The following CNTNAP1 variants were observed in gnomAD, a reference collection of about 807,000 sequenced individuals.
CNTNAP1 encodes the protein contactin associated protein 1.
CNTNAP1 carries 80 observed loss-of-function variants against 161.5 expected under a neutral mutation model. That is an observed-to-expected ratio of 0.50 (90% CI 0.41 to 0.60). CNTNAP1 has a LOEUF of 0.60. Ranked by LOEUF, CNTNAP1 falls within the 20% of genes least tolerant of loss-of-function variation. The pLI is 0.00. For missense variants in CNTNAP1, 1,464 were observed against 1,854.8 expected, an observed-to-expected ratio of 0.79 and a Z score of 3.87; for synonymous variants, 695 against 733.1, an observed-to-expected ratio of 0.95 and a Z score of 0.84.
intron 8 of CNTNAP1, 91 bp downstream of exon 8, chr17:42,688,072 T>C: frequency 6.6e-7 from 1 of 1,513,902 alleles, no homozygotes; most frequent in South Asian, 1.3e-5. Flanking sequence ...CTTTACATTC[T>C]GGAGAGGGGA....
chr17:42,685,848 T>G lies in CNTNAP1; in HGVS notation c.716-109T>G. On this transcript the variant is annotated intron_variant, in intron 5 of 23. Transcript: ENST00000264638. This position sits in a 1 kb window ranked among gnomAD's most constrained non-coding sequence, Gnocchi z 5.0. ...AATGGCTGTTGATCTATTCGCCCAC[T>G]CTCCCTGATTGCCCTGGGCTTTGTT... is the stretch of plus-strand genomic sequence containing the variant. 1.7e-6 allele frequency: 2 copies of G among 1,173,260 alleles called. No individual in the cohort carries two copies. The highest frequency in any genetic ancestry group is 2.4e-6 in the Non-Finnish European group (2 of 826,478). 72.7% of individuals were successfully genotyped at this position (1,173,260 alleles called of 1,614,324 possible).
rs141352323 is a variant in CNTNAP1, at chr17:42,691,507, C to T, written c.2340C>T (p.Gly780=). Residue 780 remains glycine (G), a synonymous_variant, in exon 15 of 24, where the codon GGC becomes GGT. Coordinates refer to ENST00000264638, the MANE Select transcript of CNTNAP1 (RefSeq NM_003632.3). This position sits in a 1 kb window ranked among gnomAD's most constrained non-coding sequence, Gnocchi z 4.3. ...QFFLRPLRCY[G]DRNSWNTISF... ...TCCTGAGGCCTCTGCGCTGCTATGG[C>T]GATCGTGAGTGGCAGTCCCCTTTTG... 89 of 1,613,786 alleles carry T rather than the reference C, an allele frequency of 5.5e-5. No homozygotes were observed. The highest frequency in any genetic ancestry group is 6.9e-5 in the Non-Finnish European group (82 of 1,179,944).
Position 42,688,861 on chromosome 17 carries a change from G to T in CNTNAP1, c.1457-15G>T. On this transcript the variant is annotated splice_polypyrimidine_tract_variant and intron_variant, in intron 9 of 23. Transcript: ENST00000264638. ...GTCTCCCCTGGGGAGGATCTCACAG[G>T]GGTGGTTGCTCCAGGTTGTCCCAAG... The T allele has an allele frequency of 6.2e-7, 1 of 1,613,708 alleles. No homozygotes were observed. The highest frequency in any genetic ancestry group is 1.1e-5 in the South Asian group (1 of 91,050).
chr17:42,687,622 G>A lies in CNTNAP1; in HGVS notation c.1045-98G>A. The A allele has an allele frequency of 6.9e-7, 1 of 1,457,792 alleles. No homozygotes were observed. The highest frequency in any genetic ancestry group is 9.4e-7 in the Non-Finnish European group (1 of 1,068,638). The allele number at this position is 1,457,792 out of a possible 1,614,324, so 90.3% of individuals were successfully genotyped here. ...TCTCACCCCCGCCAACACCGAAGGA[G>A]GGCGGTGACCAGGGTCTTAGACCGG... On this transcript the variant is annotated intron_variant, in intron 7 of 23. Coordinates refer to ENST00000264638, the MANE Select transcript of CNTNAP1 (RefSeq NM_003632.3). The surrounding 1 kb of genome is among the most constrained non-coding windows in gnomAD (Gnocchi z 4.7).
chr17:42,688,071 C>A, intron 8 of CNTNAP1, 90 bp downstream of exon 8: 1 of 1,514,896 alleles, frequency 6.6e-7, no homozygotes, highest in Non-Finnish European at 8.8e-7. Flanking sequence ...CCTTTACATT[C>A]TGGAGAGGGG....
chr17:42,684,892 T>C, intron 3 of CNTNAP1, 99 bp from the exon 4 acceptor site: 2 of 1,417,658 alleles, frequency 1.4e-6, no homozygotes, highest in Non-Finnish European at 1.9e-6. Flanking sequence ...ACCACCGCAC[T>C]CCAGCCTGGG....
Position 42,687,518 on chromosome 17 carries a change from T to G in CNTNAP1, c.1045-202T>G. On this transcript the variant is annotated intron_variant, in intron 7 of 23. Coordinates refer to ENST00000264638, the MANE Select transcript of CNTNAP1 (RefSeq NM_003632.3). This position sits in a 1 kb window ranked among gnomAD's most constrained non-coding sequence, Gnocchi z 4.7. ...GATCAGCGAGAGCAAGCGAGCAGAG[T>G]TCCGAGGGCCGACTGGGTTGGGGCC... The G allele has an allele frequency of 1.3e-5, 8 of 615,954 alleles. No individual in the cohort carries two copies. The highest frequency in any genetic ancestry group is 3.1e-5 in the Admixed American group (1 of 32,272). The allele number at this position is 615,954 out of a possible 1,614,324, so 38.2% of individuals were successfully genotyped here.
chr17:42,695,992 T>A lies in CNTNAP1; in HGVS notation c.3347-33T>A, dbSNP rs200633974. On this transcript the variant is annotated intron_variant, in intron 19 of 23. Transcript: ENST00000264638. ...GTTAGAAGATAGGAGTCATGGGGCCTGAGACCCCAAATTTCTTCTCCCCAC... is the reference window on the plus strand; with the variant it reads ...GTTAGAAGATAGGAGTCATGGGGCCAGAGACCCCAAATTTCTTCTCCCCAC... 40 of 1,610,726 alleles carry A rather than the reference T, an allele frequency of 2.5e-5. No homozygotes were observed. The East Asian group carries it at 8.9e-4, about 36-fold the overall frequency.
rs767875480 is a variant in CNTNAP1 at position 42,686,050 on chromosome 17, G to A, written c.809G>A (p.Arg270Gln). The change falls in exon 6 of 24, where the codon CGA becomes CAA. Residue 270 changes from arginine (R) to glutamine (Q), a missense_variant. Coordinates refer to ENST00000264638, the MANE Select transcript of CNTNAP1 (RefSeq NM_003632.3). ...DQHWHYVRVD[R>Q]FGRDVNFTLD... The stretch of plus-strand genomic sequence containing the variant: ...CACTGGCACTATGTGCGGGTGGACC[G>A]ATTTGGCCGCGATGTAAATTTCACC... The A allele has an allele frequency of 6.2e-7, 1 of 1,614,176 alleles. No individual in the cohort carries two copies. Among genetic ancestry groups the A allele is most frequent in the Non-Finnish European group, 8.5e-7 (1 of 1,180,038 alleles).
chr17:42,695,801 C>G lies in CNTNAP1; in HGVS notation c.3273C>G (p.Ser1091Arg), dbSNP rs148038198. 3.7e-6 allele frequency: 6 copies of G among 1,614,106 alleles called. No homozygotes were observed. The highest frequency in any genetic ancestry group is 5.1e-6 in the Non-Finnish European group (6 of 1,180,048). ...AGGTCTCCTTCAGCTTCAGCACCAG[C>G]TCCGCCCCTGCTGTCCTGCTCTACG... ...GEEVSFSFST[S>R]SAPAVLLYVS... The change falls in exon 19 of 24, where the codon AGC becomes AGG. Residue 1091 changes from serine to arginine, a missense_variant. Transcript: ENST00000264638.
At chr17:42,697,246 G>GC in intron 20 of CNTNAP1, 28 bp from the exon 21 acceptor site, 1 of 1,526,162 alleles carries the variant, frequency 6.6e-7, no homozygotes. Context: ...CTCCCTCATC[G>GC]CCCTCCCCCT....
In CNTNAP1 at chr17:42,697,558, A is replaced by G. The variant is rs773634370; in HGVS notation, c.3573A>G (p.Thr1191=). 6.2e-6 allele frequency: 10 copies of G among 1,614,048 alleles called. No individual in the cohort carries two copies. The Admixed American group carries it at 1.5e-4, about 24-fold the overall frequency. ...CTGGGCCTGCCTCTCTCTCAGAGAC[A>G]GGAGTCATTGACCCGGAGATCCAGC... is the stretch of plus-strand genomic sequence containing the variant. ...KALYLGRVME[T]GVIDPEIQRY... Residue 1191 remains threonine (T), a synonymous_variant, in exon 22 of 24, where the codon ACA becomes ACG. Coordinates refer to ENST00000264638, the MANE Select transcript of CNTNAP1 (RefSeq NM_003632.3).
At chr17:42,690,360 T>C (rs568035145) in intron 12 of CNTNAP1, among the ~76,000 whole-genome samples, 153 bp downstream of exon 12, 4 of 151,514 alleles carry the variant, frequency 2.6e-5, no homozygotes, top group South Asian at 2.1e-4. Flanking sequence ...TAAAAGTAAA[T>C]CCCAAGCCAG....
intron 9 of CNTNAP1, 90 bp from the exon 10 acceptor site, chr17:42,688,786 C>A: frequency 1.3e-6 from 2 of 1,552,614 alleles, no homozygotes; most frequent in Non-Finnish European, 1.8e-6. Context: ...CCCCTTTCTT[C>A]CTTTATGTCT....
Position 42,696,160 on chromosome 17 carries a change from TA to T in CNTNAP1, c.3474+9del, listed in dbSNP as rs754410402. The T allele has an allele frequency of 8.7e-6, 14 of 1,613,928 alleles. No homozygotes were observed. Among genetic ancestry groups the T allele is most frequent in the Non-Finnish European group, 1.1e-5 (13 of 1,179,996 alleles). On this transcript the variant is annotated intron_variant, in intron 20 of 23. Transcript: ENST00000264638. ...CGGAACCTCTTCATCCAGGTATGCA[TA>T]GAGGGAGGTGAGCCAGTTCAGATCA... is the stretch of plus-strand genomic sequence containing the variant.
chr17:42,694,264 C>T (rs1002441864), intron 18 of CNTNAP1, among the ~76,000 whole-genome samples: 13 of 151,920 alleles, frequency 8.6e-5, no homozygotes, highest in African/African-American at 1.2e-4. Flanking sequence ...CTCCACCTCC[C>T]GGGCTGAAGC....
At position 42,685,844 on chromosome 17, in the gene CNTNAP1, C is replaced by A; in HGVS notation, c.716-113C>A. 1 of 1,119,600 alleles carries A rather than the reference C, an allele frequency of 8.9e-7. No homozygotes were observed. The highest frequency in any genetic ancestry group is 1.3e-6 in the Non-Finnish European group (1 of 781,586). The allele number at this position is 1,119,600 out of a possible 1,614,324, so 69.4% of individuals were successfully genotyped here. A position where few individuals can be genotyped will look rare whatever the true frequency, so the allele number is the denominator to read the frequency against. ...CGCCAATGGCTGTTGATCTATTCGC[C>A]CACTCTCCCTGATTGCCCTGGGCTT... On this transcript the variant is annotated intron_variant, in intron 5 of 23. Coordinates refer to ENST00000264638, the MANE Select transcript of CNTNAP1 (RefSeq NM_003632.3). The surrounding 1 kb of genome is among the most constrained non-coding windows in gnomAD (Gnocchi z 5.0).
Position 42,690,167 on chromosome 17 carries a change from T to C in CNTNAP1, c.1815T>C (p.Ser605=), listed in dbSNP as rs1293445130. The change falls in exon 12 of 24, where the codon AGT becomes AGC. Residue 605 remains serine (S), a synonymous_variant. Transcript: ENST00000264638. ...SGNFTIDPDG[S]GPLKPFVVYC... ...ACTTCACCATTGATCCTGATGGCAG[T>C]GGCCCCCTGAAGCCATTTGTAGTGT... is the stretch of plus-strand genomic sequence containing the variant. 28 of 1,613,932 alleles carry C rather than the reference T, an allele frequency of 1.7e-5. No homozygotes were observed. The highest frequency in any genetic ancestry group is 2.4e-5 in the Non-Finnish European group (28 of 1,179,994).
At chr17:42,683,041 C>T in intron 1 of CNTNAP1, 145 bp downstream of exon 1, 1 of 778,024 alleles carries the variant, frequency 1.3e-6, no homozygotes, top group Non-Finnish European at 2.0e-6. Flanking sequence ...CCTGCCTCTC[C>T]CCCGCGCTCC....
Sources: allele counts gnomAD v4.1 joint callset (sites outside exome capture counted in the v4.1 genomes callset), GRCh38; gene constraint gnomAD v4.1.1; non-coding constraint Gnocchi (gnomAD v3.1); transcripts MANE v1.5; gene names NCBI Gene and HGNC (gene_info 2026-07-23, HGNC 2026-07-21).